Variants in ERI1 observed in about 807,000 individuals in gnomAD.
ERI1 encodes the protein 3'-5' exoribonuclease 1.
In ERI1, 39 loss-of-function variants were observed where a neutral mutation model predicts 39.7. The ratio of observed to expected loss-of-function variants is 0.98; its 90% CI spans 0.76 to 1.28. ERI1 has a LOEUF of 1.28. ERI1 is among the 50% of genes most tolerant of loss of function. ERI1 has a pLI of 0.00. For synonymous variants in ERI1, 204 were observed against 149.6 expected (o/e 1.36, Z -2.65); for missense variants, 581 against 416.9 (o/e 1.39, Z -3.43).
Position 9,047,021 on chromosome 8 carries a change from ACAAT to A in ERI1, n.299+26562_299+26565del, listed in dbSNP as rs1250244458. Among the ~76,000 whole-genome samples, 3 of 152,300 alleles carry A rather than the reference ACAAT, an allele frequency of 2.0e-5. No homozygotes were observed. The East Asian group carries it at 5.8e-4, about 29-fold the overall frequency. ...TGTTAGGTTTTAGCATATGGCAGAAACAATCAATACTGCCCAAGAACCGAATAAA... is the reference window on the plus strand; with the variant it reads ...TGTTAGGTTTTAGCATATGGCAGAAACAATACTGCCCAAGAACCGAATAAA... On this transcript the variant is annotated intron_variant and non_coding_transcript_variant, in intron 3 of 3. Coordinates refer to the ERI1 transcript ENST00000518663.
At chr8:9,068,650 G>A (rs149702544) in intron 3 of ERI1, among the ~76,000 whole-genome samples, 3 of 152,202 alleles carry the variant, frequency 2.0e-5, no homozygotes, top group Admixed American at 6.5e-5. Flanking sequence ...TTCCTAGGAT[G>A]CATTGTGTCT....
intron 3 of ERI1, among the ~76,000 whole-genome samples, chr8:9,073,437 C>G (rs75440447): frequency 0.14 from 21,145 of 152,020 alleles, 1,643 homozygotes; most frequent in Middle Eastern, 0.19. Context: ...GGGAGGTTAC[C>G]GATGGACAGG....
intron 5 of ERI1, among the ~76,000 whole-genome samples, chr8:9,018,712 T>G (rs1817564444): frequency 6.6e-6 from 1 of 152,250 alleles, no homozygotes; most frequent in African/African-American, 2.4e-5. Flanking sequence ...AGCTTGGCCT[T>G]GAAGCCTCTT....
chr8:9,050,412 C>T (rs1798319674), intron 3 of ERI1, among the ~76,000 whole-genome samples: 1 of 151,016 alleles, frequency 6.6e-6, no homozygotes, highest in Admixed American at 6.6e-5. Flanking sequence ...GAGGTTGAGG[C>T]AGGAGAATCA....
intron 3 of ERI1, among the ~76,000 whole-genome samples, chr8:9,057,310 C>A (rs1194506659): frequency 6.6e-6 from 1 of 152,114 alleles, no homozygotes; most frequent in Non-Finnish European, 1.5e-5. Flanking sequence ...GTCCCTGGCT[C>A]CTGTGTACGT....
intron 3 of ERI1, among the ~76,000 whole-genome samples, chr8:9,086,831 C>G (rs1430300215): frequency 6.6e-6 from 1 of 152,144 alleles, no homozygotes; most frequent in Non-Finnish European, 1.5e-5. Flanking sequence ...GTTGACTGAG[C>G]AAGAGTGTCA....
intron 3 of ERI1, among the ~76,000 whole-genome samples, chr8:9,084,159 G>A (rs977715907): frequency 6.6e-6 from 1 of 152,124 alleles, no homozygotes; most frequent in Non-Finnish European, 1.5e-5. Flanking sequence ...CTACTTGGGA[G>A]GCTGAGGCAG....
At chr8:9,087,818 G>C (rs964324063) in intron 3 of ERI1, among the ~76,000 whole-genome samples, 2 of 152,148 alleles carry the variant, frequency 1.3e-5, no homozygotes, top group Non-Finnish European at 2.9e-5. Context: ...GGCAGATTCA[G>C]GTAGGGACAA....
chr8:9,055,583 A>C (rs1383637146), intron 3 of ERI1, among the ~76,000 whole-genome samples: 2 of 152,138 alleles, frequency 1.3e-5, no homozygotes, highest in East Asian at 3.9e-4. Context: ...GTTGTCGCCT[A>C]GACTGGAGTG....
chr8:9,013,578 T>C (rs1358810605), intron 3 of ERI1, among the ~76,000 whole-genome samples: 1 of 152,092 alleles, frequency 6.6e-6, no homozygotes, highest in Admixed American at 6.5e-5. Context: ...GATGATCTTA[T>C]CTAGTTCCAT....
intron 3 of ERI1, among the ~76,000 whole-genome samples, chr8:9,072,991 ACT>A (rs1563372971): frequency 6.6e-6 from 1 of 151,918 alleles, no homozygotes; most frequent in Non-Finnish European, 1.5e-5. Flanking sequence ...CTGTATTTTC[ACT>A]CTGTGGTTTT....
intron 3 of ERI1, among the ~76,000 whole-genome samples, chr8:9,071,834 G>A (rs1242140708): frequency 6.6e-6 from 1 of 152,236 alleles, no homozygotes; most frequent in Non-Finnish European, 1.5e-5. Context: ...GGGAGACCAA[G>A]GTGGGAGGAC....
At chr8:9,047,504 A>G (rs1798210722) in intron 3 of ERI1, among the ~76,000 whole-genome samples, 1 of 151,414 alleles carries the variant, frequency 6.6e-6, no homozygotes, top group African/African-American at 2.4e-5. Context: ...GCAAGACCCC[A>G]TCTCTAAAAA....
chr8:9,068,175 T>C (rs1030484665), intron 3 of ERI1, among the ~76,000 whole-genome samples: 2 of 152,174 alleles, frequency 1.3e-5, no homozygotes, highest in African/African-American at 2.4e-5. Context: ...TTCAGATATA[T>C]CTAAAATAGT....
At chr8:9,028,004 A>G (rs980661578) in intron 6 of ERI1, among the ~76,000 whole-genome samples, 1 of 152,180 alleles carries the variant, frequency 6.6e-6, no homozygotes, top group African/African-American at 2.4e-5. Flanking sequence ...TTGCAACATG[A>G]TAATTGTAGG....
chr8:9,038,137 A>G (rs1238322389), downstream of ERI1, among the ~76,000 whole-genome samples: 5 of 152,224 alleles, frequency 3.3e-5, no homozygotes, highest in Non-Finnish European at 5.9e-5. Flanking sequence ...TGGAGTCTCC[A>G]TACCATAGAA....
chr8:9,073,221 T>A (rs1399103191), intron 3 of ERI1, among the ~76,000 whole-genome samples: 1 of 152,244 alleles, frequency 6.6e-6, no homozygotes, highest in Non-Finnish European at 1.5e-5. Context: ...ACATTATTTA[T>A]CTTTGCAGAA....
chr8:9,074,256 A>G (rs959048339), intron 3 of ERI1, among the ~76,000 whole-genome samples: 1 of 148,080 alleles, frequency 6.8e-6, no homozygotes, highest in African/African-American at 2.5e-5. Context: ...GATTACAGGC[A>G]CCCGCCACCA....
chr8:9,094,618 C>T (rs992551796), intron 3 of ERI1, among the ~76,000 whole-genome samples: 10 of 152,164 alleles, frequency 6.6e-5, no homozygotes, highest in African/African-American at 2.4e-4. Context: ...CCTTTTCTCT[C>T]TTCTCTGTGT....
Sources: gnomAD v4.1 joint callset for allele counts (sites outside exome capture counted in the v4.1 genomes callset) on GRCh38, gnomAD v4.1.1 for gene constraint, MANE v1.5 for transcripts, NCBI Gene and HGNC (gene_info 2026-07-23, HGNC 2026-07-21) for gene names.